Variants in CASK observed in about 807,000 individuals in gnomAD.
CASK encodes the protein peripheral plasma membrane protein CASK.
In CASK, 4 loss-of-function variants were observed where a neutral mutation model predicts 82.9. The ratio of observed to expected loss-of-function variants is 0.05; its 90% CI spans 0.02 to 0.11. The LOEUF (loss-of-function observed/expected upper bound fraction) is 0.11. Ranked by LOEUF, CASK falls within the 10% of genes least tolerant of loss-of-function variation. The pLI, the probability that CASK is intolerant of heterozygous loss-of-function variation, is 1.00. For missense variants in CASK, 358 were observed against 720.9 expected, an observed-to-expected ratio of 0.50 and a Z score of 5.76; for synonymous variants, 259 against 253.5, an observed-to-expected ratio of 1.02 and a Z score of -0.20.
intron 21 of CASK, chrX:41,552,808 G>T (rs1356375672): frequency 2.7e-5 from 3 of 111,897 alleles, no homozygotes; most frequent in African/African-American, 9.7e-5. Flanking sequence ...AAGCAAAAGA[G>T]ATTAACTGAG....
At chrX:41,909,208 A>G (rs1401869620) in intron 1 of CASK, among the ~76,000 whole-genome samples, 1 of 111,869 alleles carries the variant, frequency 8.9e-6, no homozygotes, top group Non-Finnish European at 1.9e-5. Flanking sequence ...ACTGGTCAGA[A>G]GATCCACACT....
chrX:41,579,555 A>G (rs1177086317), intron 14 of CASK, among the ~76,000 whole-genome samples: 1 of 112,019 alleles, frequency 8.9e-6, no homozygotes, highest in African/African-American at 3.2e-5. Context: ...CTTTCTATTA[A>G]GCATAAATAT....
intron 2 of CASK, among the ~76,000 whole-genome samples, chrX:41,787,726 A>G (rs2069640648): frequency 9.0e-6 from 1 of 111,682 alleles, no homozygotes; most frequent in East Asian, 2.8e-4. Flanking sequence ...TATGTTGTCT[A>G]TTCTTTAGCC....
In CASK at chrX:41,733,727, C is replaced by T. The variant is rs185202916; in HGVS notation, c.429+5657G>A. Reference sequence around the variant, plus strand: ...TGGCGCCACTGCACTCCAGCCTGGGCGACAGAGTGAGACTCTGTCTCAAAA... The same window carrying T: ...TGGCGCCACTGCACTCCAGCCTGGGTGACAGAGTGAGACTCTGTCTCAAAA... On this transcript the variant is annotated intron_variant, in intron 5 of 26. Transcript: ENST00000378163. 4.4e-3 allele frequency among the ~76,000 whole-genome samples: 473 copies of T among 108,699 alleles called. 3 individuals carry two copies. The highest frequency in any genetic ancestry group is 6.5e-3 in the Non-Finnish European group (342 of 52,318). The allele number at this position is 108,699 out of a possible 115,157, so 94.4% of individuals were successfully genotyped here.
At chrX:41,590,510 CAAAAAAAAAAA>C (rs763695085) in intron 12 of CASK, among the ~76,000 whole-genome samples, 1 of 31,321 alleles carries the variant, frequency 3.2e-5, no homozygotes. Flanking sequence ...ATTCCGTCTC[CAAAAAAAAAAA>C]AAAAAAAAAA....
chrX:41,852,848 C>T (rs936383727), intron 2 of CASK, among the ~76,000 whole-genome samples: 2 of 110,848 alleles, frequency 1.8e-5, no homozygotes, highest in African/African-American at 6.6e-5. Context: ...AAAAAAAAAG[C>T]CCAGATTTTT....
chrX:41,808,436 C>T (rs886247058), intron 2 of CASK, among the ~76,000 whole-genome samples: 2 of 112,163 alleles, frequency 1.8e-5, no homozygotes, highest in Non-Finnish European at 3.8e-5. Context: ...TGAGACACCT[C>T]TTAGCAAGGC....
chrX:41,825,229 A>T (rs1245047013), intron 2 of CASK, among the ~76,000 whole-genome samples: 1 of 111,635 alleles, frequency 9.0e-6, no homozygotes, highest in African/African-American at 3.3e-5. Context: ...AAAAATTTTT[A>T]AAAAGTCAAA....
intron 3 of CASK, among the ~76,000 whole-genome samples, chrX:41,786,039 G>A (rs1319032099): frequency 1.8e-5 from 2 of 111,992 alleles, no homozygotes; most frequent in Non-Finnish European, 3.8e-5. Context: ...AAGGAATTGT[G>A]GCTCTCAGTC....
chrX:41,547,497 G>C (rs1173285407), intron 21 of CASK, among the ~76,000 whole-genome samples: 1 of 111,433 alleles, frequency 9.0e-6, no homozygotes, highest in Non-Finnish European at 1.9e-5. Context: ...ATCAGATCCA[G>C]TTTTGTTTTG....
chrX:41,750,806 A>G (rs1286192586), intron 3 of CASK, among the ~76,000 whole-genome samples: 3 of 112,339 alleles, frequency 2.7e-5, no homozygotes, highest in Admixed American at 9.5e-5. Context: ...CCACTCCAAA[A>G]TATGCTGCTT....
intron 2 of CASK, among the ~76,000 whole-genome samples, chrX:41,843,696 T>C (rs1481144284): frequency 9.0e-6 from 1 of 111,351 alleles, no homozygotes; most frequent in East Asian, 2.8e-4. Flanking sequence ...CCCCATCTCA[T>C]CTTTCTCCAT....
At position 41,717,416 on chromosome X, in the gene CASK, G is replaced by A. The variant is rs145678133; in HGVS notation, c.429+21968C>T. On this transcript the variant is annotated intron_variant, in intron 5 of 26. Coordinates refer to ENST00000378163, the MANE Select transcript of CASK (RefSeq NM_001367721.1). The stretch of plus-strand genomic sequence containing the variant: ...GACTAGCATTGTTGCCTGCAATCTA[G>A]ATAAGCACAGTGGCTGATTCTATTG... Among the ~76,000 whole-genome samples the A allele has an allele frequency of 8.1e-3, 913 of 112,226 alleles. 6 individuals are homozygous for A. Among genetic ancestry groups the A allele is most frequent in the Non-Finnish European group, 0.014 (756 of 53,266 alleles).
intron 5 of CASK, among the ~76,000 whole-genome samples, chrX:41,685,178 A>C (rs2067421618): frequency 8.9e-6 from 1 of 112,048 alleles, no homozygotes; most frequent in African/African-American, 3.2e-5. Flanking sequence ...CAATAGAGTG[A>C]GGTTCATTTG....
chrX:41,535,895 C>A (rs149048551), intron 22 of CASK, among the ~76,000 whole-genome samples: 1,246 of 111,849 alleles, frequency 0.011, 5 homozygotes, highest in Non-Finnish European at 0.016. Flanking sequence ...CAACATGGTC[C>A]AATTCTCACA....
rs190405026 is a variant in CASK, at chrX:41,838,269, C to A, written c.172+14846G>T. Reference sequence around the variant, plus strand: ...CATATTTTCATGTAATTGTTTAGAACCTGTATAACCCTTTTTGGGAAAAAT... The same window carrying A: ...CATATTTTCATGTAATTGTTTAGAAACTGTATAACCCTTTTTGGGAAAAAT... On this transcript the variant is annotated intron_variant, in intron 2 of 26. Transcript: ENST00000378163. Among the ~76,000 whole-genome samples the A allele has an allele frequency of 7.2e-3, 809 of 112,307 alleles. 5 individuals are homozygous for A. The highest frequency in any genetic ancestry group is 0.014 in the Admixed American group (153 of 10,671).
intron 2 of CASK, among the ~76,000 whole-genome samples, chrX:41,816,283 T>A (rs1345406851): frequency 1.8e-5 from 2 of 111,986 alleles, no homozygotes; most frequent in African/African-American, 6.5e-5. Context: ...TGTATAAGTA[T>A]CTAATAACAG....
At chrX:41,687,935 C>T (rs890531144) in intron 5 of CASK, among the ~76,000 whole-genome samples, 5 of 94,076 alleles carry the variant, frequency 5.3e-5, no homozygotes, top group Non-Finnish European at 1.0e-4. Flanking sequence ...AATCTCTTGT[C>T]GCCTGGGCAA....
Position 41,817,158 on chromosome X carries a change from C to T in CASK, c.173-29875G>A, listed in dbSNP as rs975650648. Among the ~76,000 whole-genome samples the T allele has an allele frequency of 2.7e-5, 3 of 112,114 alleles. No homozygotes were observed. The East Asian group carries it at 8.4e-4, about 31-fold the overall frequency. Reference sequence around the variant, plus strand: ...CAATAAATGCAGAAAAAGCATTTGACAAAATCCAACATCCATTCCTACTGA... The same window carrying T: ...CAATAAATGCAGAAAAAGCATTTGATAAAATCCAACATCCATTCCTACTGA... On this transcript the variant is annotated intron_variant, in intron 2 of 26. Coordinates refer to ENST00000378163, the MANE Select transcript of CASK (RefSeq NM_001367721.1).
Sources: gnomAD v4.1 joint callset for allele counts (sites outside exome capture counted in the v4.1 genomes callset) on GRCh38, gnomAD v4.1.1 for gene constraint, MANE v1.5 for transcripts, NCBI Gene and HGNC (gene_info 2026-07-23, HGNC 2026-07-21) for gene names.